Variants in MTMR10 observed in about 807,000 individuals in gnomAD.
MTMR10 encodes myotubularin related protein 10.
Under a neutral mutation model 88.1 loss-of-function variants are expected in MTMR10, and 56 were observed. The ratio of observed to expected loss-of-function variants is 0.64; its 90% confidence interval spans 0.51 to 0.79. The LOEUF (loss-of-function observed/expected upper bound fraction) is 0.79. Among genes scored for constraint, MTMR10 ranks in the 30% least tolerant of loss-of-function variants. The pLI is 0.00. For missense variants in MTMR10, 883 were observed against 924.7 expected (o/e 0.95, Z 0.58); for synonymous variants, 380 against 340.9 (o/e 1.11, Z -1.26).
At chr15:30,922,507 A>G in the MTMR10 span, among the ~76,000 whole-genome samples, 3 of 152,170 alleles carry the variant, frequency 2.0e-5, no homozygotes, top group Admixed American at 6.5e-5. Context: ...CCAACCCCAA[A>G]AGAATACCAG....
intron 6 of MTMR10, among the ~76,000 whole-genome samples, chr15:30,963,646 T>C (rs1792209264): frequency 6.8e-6 from 1 of 148,024 alleles, no homozygotes; most frequent in African/African-American, 2.5e-5. Context: ...CAAAAATAAA[T>C]AGACAGATAG....
chr15:30,933,263 T>G, the MTMR10 span, among the ~76,000 whole-genome samples: 1 of 152,202 alleles, frequency 6.6e-6, no homozygotes, highest in African/African-American at 2.4e-5. Flanking sequence ...AGTTAGGTAG[T>G]GCTCCAAATT....
chr15:30,987,260 G>C (rs753334338), intron 2 of MTMR10, among the ~76,000 whole-genome samples: 1 of 152,212 alleles, frequency 6.6e-6, no homozygotes, highest in Non-Finnish European at 1.5e-5. Context: ...GTTTAAGCCA[G>C]GTGGTCTGAG....
chr15:30,925,185 T>G, the MTMR10 span: 3 of 1,613,934 alleles, frequency 1.9e-6, no homozygotes, highest in Admixed American at 5.0e-5. Flanking sequence ...GGACACCGCC[T>G]TTCACTGTAT....
At chr15:30,985,764 T>C (rs2030901640) in intron 2 of MTMR10, among the ~76,000 whole-genome samples, 1 of 152,216 alleles carries the variant, frequency 6.6e-6, no homozygotes, top group South Asian at 2.1e-4. Context: ...CCCAGGGACT[T>C]CAACACACAT....
At chr15:30,947,322 T>G (rs569901292) in intron 13 of MTMR10, 22 bp from the exon 14 acceptor site, 1 of 1,608,124 alleles carries the variant, frequency 6.2e-7, no homozygotes, top group Admixed American at 1.7e-5. Flanking sequence ...AAAGAGACAA[T>G]GGGATCATTT....
the MTMR10 span, among the ~76,000 whole-genome samples, chr15:30,923,111 C>G: frequency 2.6e-5 from 4 of 152,158 alleles, no homozygotes; most frequent in African/African-American, 9.7e-5. Context: ...TTAAGTGAAT[C>G]AGGGTGATGT....
At chr15:30,983,948 A>G (rs552584054) in intron 2 of MTMR10, among the ~76,000 whole-genome samples, 1 of 152,336 alleles carries the variant, frequency 6.6e-6, no homozygotes, top group East Asian at 1.9e-4. Context: ...GGAAGGGTAT[A>G]GTGCCGATCT....
chr15:30,940,371 T>G lies in MTMR10; in HGVS notation c.*1099A>C, dbSNP rs2063000652. 2 of 985,464 alleles carry G rather than the reference T, an allele frequency of 2.0e-6. No homozygotes were observed. The highest frequency in any genetic ancestry group is 3.5e-5 in the African/African-American group (2 of 57,362). The allele number at this position is 985,464 out of a possible 1,614,324, so 61.0% of individuals were successfully genotyped here. On this transcript the variant is annotated 3_prime_UTR_variant, in exon 16 of 16. Transcript: ENST00000435680. ...AAGTTGGGGGCTGGGGGAGCACTTCTGTCGCTATTCAAATGGCAGTGTTTT... is the reference window on the plus strand; with the variant it reads ...AAGTTGGGGGCTGGGGGAGCACTTCGGTCGCTATTCAAATGGCAGTGTTTT...
At position 30,941,734 on chromosome 15, in the gene MTMR10, G is replaced by A. The variant is rs375659526; in HGVS notation, c.2070C>T (p.Asp690=). The A allele has an allele frequency of 2.7e-5, 43 of 1,613,848 alleles. No homozygotes were observed. The African/African-American group carries it at 3.7e-4, about 14-fold the overall frequency. Residue 690 remains aspartate (D), a synonymous_variant, in exon 16 of 16, where the codon GAC becomes GAT. Transcript: ENST00000435680. Reference sequence around the variant, plus strand: ...GTTGCCGCAGCATCCTGCTCAGTACGTCGACTTCATCAGCCAGGAGGGAGA... The same window carrying A: ...GTTGCCGCAGCATCCTGCTCAGTACATCGACTTCATCAGCCAGGAGGGAGA... ...HKLSLLADEV[D]VLSRMLRQQR...
intron 6 of MTMR10, among the ~76,000 whole-genome samples, chr15:30,963,692 G>GATAGATAA (rs545981570): frequency 0.068 from 10,230 of 151,418 alleles, 529 homozygotes; most frequent in African/African-American, 0.14. Flanking sequence ...TAGATAGATA[G>GATAGATAA]TAAAATGCTC....
chr15:30,943,751 C>T (rs2063122921), intron 14 of MTMR10: 1 of 985,432 alleles, frequency 1.0e-6, no homozygotes, highest in Non-Finnish European at 1.2e-6. Context: ...TGAGGCAACA[C>T]AAGGCTACAG....
At chr15:30,988,856 G>C (rs934091168) in intron 2 of MTMR10, among the ~76,000 whole-genome samples, 7 of 151,872 alleles carry the variant, frequency 4.6e-5, no homozygotes, top group Admixed American at 3.3e-4. Context: ...CAGGTGTGGT[G>C]GTGGGCTCCT....
At chr15:30,988,150 G>C (rs1021366203) in intron 2 of MTMR10, among the ~76,000 whole-genome samples, 6 of 152,120 alleles carry the variant, frequency 3.9e-5, no homozygotes, top group Non-Finnish European at 5.9e-5. Context: ...AAGAGCAAAT[G>C]GTAGCAGTGA....
chr15:30,967,976 GT>G lies in MTMR10; in HGVS notation c.508del (p.Thr170GlnfsTer80). ...AAATGCAAAGAGTAGCTGGAGGTCT[GT>G]TGGCTGGGAATAATGAGCTATTGCA... ...CLAIAHYSQPTDLQLLFAFEY... is the reference protein window; with the variant it reads ...CLAIAHYSQPXDLQLLFAFEY... On this transcript the variant is annotated frameshift_variant, in exon 6 of 16. Transcript: ENST00000435680. LOFTEE classifies it high-confidence loss of function. 1 of 1,574,764 alleles carries G rather than the reference GT, an allele frequency of 6.4e-7. No homozygotes were observed. Among genetic ancestry groups the G allele is most frequent in the South Asian group, 1.2e-5 (1 of 85,490 alleles).
chr15:30,957,552 G>A (rs971895096), intron 9 of MTMR10, among the ~76,000 whole-genome samples: 18 of 152,182 alleles, frequency 1.2e-4, no homozygotes, highest in African/African-American at 4.3e-4. Flanking sequence ...GTGAAATCTT[G>A]TCTCTATTAA....
intron 6 of MTMR10, among the ~76,000 whole-genome samples, chr15:30,964,121 G>A (rs540216862): frequency 5.9e-5 from 9 of 152,184 alleles, no homozygotes; most frequent in South Asian, 2.1e-4. Context: ...CATTAAAAGC[G>A]GGAAGTGAAA....
chr15:30,957,056 T>C (rs1402890858), intron 9 of MTMR10, among the ~76,000 whole-genome samples: 1 of 152,150 alleles, frequency 6.6e-6, no homozygotes, highest in Non-Finnish European at 1.5e-5. Flanking sequence ...CTCTGTCAGT[T>C]ACGGTACAGT....
intron 12 of MTMR10, among the ~76,000 whole-genome samples, chr15:30,950,831 A>G (rs1481085284): frequency 1.3e-5 from 2 of 152,222 alleles, no homozygotes; most frequent in African/African-American, 4.8e-5. Context: ...ATATAAAATG[A>G]TGTTAATATT....
Sources: allele counts gnomAD v4.1 joint callset (sites outside exome capture counted in the v4.1 genomes callset), GRCh38; gene constraint gnomAD v4.1.1; transcripts MANE v1.5; gene names NCBI Gene and HGNC (gene_info 2026-07-23, HGNC 2026-07-21).